Variants in TM9SF3 observed in about 807,000 individuals in gnomAD.
TM9SF3 encodes SM-11044-binding protein.
A neutral mutation model predicts 78.6 loss-of-function variants in TM9SF3; 14 were observed. The ratio of observed to expected loss-of-function variants is 0.18; its 90% confidence interval spans 0.12 to 0.28. TM9SF3 has a LOEUF of 0.28. Ranked by LOEUF, TM9SF3 falls within the 10% of genes least tolerant of loss-of-function variation. TM9SF3 has a pLI of 1.00. For missense variants in TM9SF3, 496 were observed against 721.9 expected, an observed-to-expected ratio of 0.69 and a Z score of 3.59; for synonymous variants, 231 against 241.7, an observed-to-expected ratio of 0.96 and a Z score of 0.41.
At chr10:96,553,789 A>G (rs1848203085) in intron 5 of TM9SF3, among the ~76,000 whole-genome samples, 1 of 152,182 alleles carries the variant, frequency 6.6e-6, no homozygotes. Context: ...ATTTGTTTCA[A>G]TATTACATCT....
At chr10:96,548,404 G>A (rs1421958454) in intron 7 of TM9SF3, among the ~76,000 whole-genome samples, 3 of 152,136 alleles carry the variant, frequency 2.0e-5, no homozygotes, top group African/African-American at 7.2e-5. Flanking sequence ...TATGAATCTT[G>A]CCTGCAAACA....
At chr10:96,540,974 C>T (rs764983290) in intron 9 of TM9SF3, among the ~76,000 whole-genome samples, 4 of 151,852 alleles carry the variant, frequency 2.6e-5, no homozygotes, top group Admixed American at 6.6e-5. Context: ...GACGGGGTTT[C>T]ACCACATTGG....
chr10:96,548,325 T>A (rs1223956526), intron 7 of TM9SF3, among the ~76,000 whole-genome samples: 1 of 152,220 alleles, frequency 6.6e-6, no homozygotes, highest in East Asian at 1.9e-4. Context: ...TCCCATAATA[T>A]GGAACAAGAT....
chr10:96,545,660 C>A (rs184883207), intron 8 of TM9SF3, among the ~76,000 whole-genome samples: 1 of 152,098 alleles, frequency 6.6e-6, no homozygotes, highest in Non-Finnish European at 1.5e-5. Context: ...GAAGCTGAGG[C>A]GAGCAGATCA....
In TM9SF3 at chr10:96,550,507, T is replaced by C. The variant is rs75875796; in HGVS notation, c.959+738A>G. On this transcript the variant is annotated intron_variant, in intron 7 of 14. Transcript: ENST00000371142. ...AGTGTCATTCTGAAGGAGGACTTCA[T>C]ATGGCCGCACCTGAAATGCCTGAAT... is the stretch of plus-strand genomic sequence containing the variant. Among the ~76,000 whole-genome samples, 775 of 152,312 alleles carry C rather than the reference T, an allele frequency of 5.1e-3. 7 individuals carry two copies. The highest frequency in any genetic ancestry group is 6.1e-3 in the Non-Finnish European group (413 of 68,022).
intron 7 of TM9SF3, among the ~76,000 whole-genome samples, chr10:96,550,406 CCCATCAAACG>C (rs1265367058): frequency 1.3e-5 from 2 of 152,154 alleles, no homozygotes; most frequent in Non-Finnish European, 2.9e-5. Context: ...GTATTGCTTG[CCCATCAAACG>C]CCAGGCATAT....
At chr10:96,540,117 T>C (rs1476458030) in intron 9 of TM9SF3, among the ~76,000 whole-genome samples, 1 of 152,230 alleles carries the variant, frequency 6.6e-6, no homozygotes, top group African/African-American at 2.4e-5. Context: ...CATTATTTCA[T>C]ATTACTAGTT....
At chr10:96,548,663 T>C (rs1848129649) in intron 7 of TM9SF3, among the ~76,000 whole-genome samples, 1 of 151,948 alleles carries the variant, frequency 6.6e-6, no homozygotes, top group South Asian at 2.1e-4. Flanking sequence ...CCATGTGTGA[T>C]GGCAGGTGCC....
chr10:96,574,380 C>T (rs985729007), intron 2 of TM9SF3, among the ~76,000 whole-genome samples: 1 of 152,088 alleles, frequency 6.6e-6, no homozygotes, highest in Non-Finnish European at 1.5e-5. Context: ...TGAGCTACTA[C>T]CTTATACCAG....
chr10:96,536,031 A>G (rs1418790033), intron 9 of TM9SF3, among the ~76,000 whole-genome samples: 1 of 152,132 alleles, frequency 6.6e-6, no homozygotes, highest in East Asian at 1.9e-4. Flanking sequence ...TACTTTCACC[A>G]TATTTTCAGA....
chr10:96,565,281 T>C (rs1484262655), intron 3 of TM9SF3, 23 bp downstream of exon 3: 1 of 1,483,018 alleles, frequency 6.7e-7, no homozygotes, highest in Non-Finnish European at 8.9e-7. Flanking sequence ...TCCCAAATCT[T>C]AAATACAACA....
intron 4 of TM9SF3, chr10:96,560,653 T>A: frequency 1.6e-6 from 1 of 623,846 alleles, no homozygotes; most frequent in South Asian, 1.4e-5. Context: ...AAAGTAAAAC[T>A]TGCTGCTGAT....
chr10:96,582,143 G>T (rs1458209233), intron 1 of TM9SF3, among the ~76,000 whole-genome samples: 2 of 152,042 alleles, frequency 1.3e-5, no homozygotes, highest in African/African-American at 4.8e-5. Flanking sequence ...ATCTTGTTAA[G>T]GAAACAGAAC....
Position 96,528,053 on chromosome 10 carries a change from G to A in TM9SF3, c.1519C>T (p.Leu507=). The A allele has an allele frequency of 6.2e-7, 1 of 1,611,648 alleles. No homozygotes were observed. The highest frequency in any genetic ancestry group is 8.5e-7 in the Non-Finnish European group (1 of 1,178,496). The change falls in exon 12 of 15, where the codon CTA becomes TTA. Residue 507 remains leucine, a synonymous_variant. Coordinates refer to ENST00000371142, the MANE Select transcript of TM9SF3 (RefSeq NM_020123.4). ...TACCACCGGTAATCTTCTGCATTTA[G>A]TAGAAAATATGTGCACACAATAGTC... ...CVTIVCTYFL[L]NAEDYRWQWT...
At chr10:96,537,607 C>T (rs55969844) in intron 9 of TM9SF3, among the ~76,000 whole-genome samples, 5 of 152,110 alleles carry the variant, frequency 3.3e-5, no homozygotes, top group East Asian at 1.9e-4. Flanking sequence ...CCAAGGCAGG[C>T]GGATCACCTA....
chr10:96,536,771 A>ATT (rs2134134502), intron 9 of TM9SF3, among the ~76,000 whole-genome samples: 1 of 152,098 alleles, frequency 6.6e-6, no homozygotes, highest in Non-Finnish European at 1.5e-5. Flanking sequence ...TAGCAAATAC[A>ATT]TTTTTCTCTT....
intron 2 of TM9SF3, among the ~76,000 whole-genome samples, chr10:96,567,621 C>G (rs1848393233): frequency 6.6e-6 from 1 of 152,174 alleles, no homozygotes; most frequent in Non-Finnish European, 1.5e-5. Flanking sequence ...ACTCCCCACT[C>G]CCCACACTTC....
chr10:96,552,417 C>T (rs1848182662), intron 6 of TM9SF3, among the ~76,000 whole-genome samples: 1 of 152,174 alleles, frequency 6.6e-6, no homozygotes, highest in South Asian at 2.1e-4. Context: ...CCACTACACT[C>T]CAGCCTGTCT....
At chr10:96,563,631 GC>G (rs1298582214) in intron 3 of TM9SF3, among the ~76,000 whole-genome samples, 1 of 151,816 alleles carries the variant, frequency 6.6e-6, no homozygotes, top group Non-Finnish European at 1.5e-5. Context: ...GCCCACCTTG[GC>G]CACCCAAAGT....
Sources: allele counts gnomAD v4.1 joint callset (sites outside exome capture counted in the v4.1 genomes callset), GRCh38; gene constraint gnomAD v4.1.1; transcripts MANE v1.5; gene names NCBI Gene and HGNC (gene_info 2026-07-23, HGNC 2026-07-21).